BMPER: variants seen among roughly 807,000 people sequenced by gnomAD.
The protein encoded by BMPER is BMP binding endothelial regulator.
A neutral mutation model predicts 87.3 loss-of-function variants in BMPER; 45 were observed. The ratio of observed to expected loss-of-function variants is 0.52; its 90% CI spans 0.41 to 0.66. The LOEUF (loss-of-function observed/expected upper bound fraction) is 0.66, where lower values mean the gene tolerates loss of function less well. Among genes scored for constraint, BMPER ranks in the 30% least tolerant of loss-of-function variants. The pLI is 0.00. For synonymous variants in BMPER, 326 were observed against 316.2 expected (o/e 1.03, Z -0.33); for missense variants, 784 against 867.5 (o/e 0.90, Z 1.21).
At chr7:34,020,912 A>G (rs917264559) in intron 6 of BMPER, among the ~76,000 whole-genome samples, 2 of 151,712 alleles carry the variant, frequency 1.3e-5, no homozygotes, top group South Asian at 2.1e-4. Flanking sequence ...ACACATATGC[A>G]TATGTTATAG....
chr7:34,122,577 A>G (rs1005506712), intron 13 of BMPER, among the ~76,000 whole-genome samples: 4 of 152,218 alleles, frequency 2.6e-5, no homozygotes, highest in Admixed American at 2.0e-4. Flanking sequence ...GTAGAGCAAA[A>G]GCCAGAAGAA....
At chr7:34,073,534 T>C (rs1456235446) in intron 11 of BMPER, among the ~76,000 whole-genome samples, 1 of 152,250 alleles carries the variant, frequency 6.6e-6, no homozygotes. Flanking sequence ...TTATGAGGCA[T>C]GTGTCTACCT....
chr7:34,104,637 T>G (rs1277569477), intron 13 of BMPER, among the ~76,000 whole-genome samples: 1 of 152,160 alleles, frequency 6.6e-6, no homozygotes, highest in Non-Finnish European at 1.5e-5. Context: ...AAGAAAAATG[T>G]GGTTCAATCC....
chr7:34,137,822 G>A (rs1222432923), intron 13 of BMPER, among the ~76,000 whole-genome samples: 1 of 152,200 alleles, frequency 6.6e-6, no homozygotes. Context: ...AGAAAAGTAG[G>A]CTGAAGTCTA....
At chr7:34,044,374 G>GA (rs1483511840) in intron 6 of BMPER, among the ~76,000 whole-genome samples, 1 of 152,206 alleles carries the variant, frequency 6.6e-6, no homozygotes, top group African/African-American at 2.4e-5. Flanking sequence ...GAATATGAAT[G>GA]AAAAGAATGT....
chr7:34,065,755 A>C (rs1384342223), intron 11 of BMPER, among the ~76,000 whole-genome samples: 1 of 152,036 alleles, frequency 6.6e-6, no homozygotes. Context: ...ATAAATTTGT[A>C]CTCCACCTCT....
chr7:33,993,438 G>A (rs914284840), intron 6 of BMPER, among the ~76,000 whole-genome samples: 33 of 151,798 alleles, frequency 2.2e-4, no homozygotes, highest in African/African-American at 7.3e-4. Flanking sequence ...CATTCTTCAC[G>A]TAGTTCTCGA....
chr7:33,957,465 G>A lies in BMPER; in HGVS notation c.320-9014G>A, dbSNP rs185638992. Among the ~76,000 whole-genome samples the A allele has an allele frequency of 2.3e-4, 35 of 151,836 alleles. 1 individual carries two copies. In the East Asian group the frequency reaches 5.0e-3, roughly 22 times the overall value. On this transcript the variant is annotated intron_variant, in intron 3 of 14. Transcript: ENST00000649409. Reference sequence around the variant, plus strand: ...TAGAGACAGAAGCAAGAAGCAAACTGAGTGTTGCTATAAACGAATAGCCTG... The same window carrying A: ...TAGAGACAGAAGCAAGAAGCAAACTAAGTGTTGCTATAAACGAATAGCCTG...
intron 3 of BMPER, among the ~76,000 whole-genome samples, chr7:33,962,157 A>G (rs915023989): frequency 6.6e-6 from 1 of 152,200 alleles, no homozygotes; most frequent in Non-Finnish European, 1.5e-5. Context: ...GTCAGAACTA[A>G]TAGGAAAAAT....
intron 2 of BMPER, among the ~76,000 whole-genome samples, chr7:33,927,366 C>T (rs1052678314): frequency 6.6e-6 from 1 of 152,200 alleles, no homozygotes; most frequent in Non-Finnish European, 1.5e-5. Context: ...ACAAGAGTGA[C>T]AACCTTCCAG....
At chr7:33,982,500 G>GA (rs758951071) in intron 6 of BMPER, among the ~76,000 whole-genome samples, 154 of 134,422 alleles carry the variant, frequency 1.1e-3, no homozygotes, top group Middle Eastern at 4.0e-3. Context: ...ACAGTCAATT[G>GA]AAAAAAAAAA....
At chr7:34,096,224 A>G (rs1030920645) in intron 13 of BMPER, among the ~76,000 whole-genome samples, 1 of 152,224 alleles carries the variant, frequency 6.6e-6, no homozygotes. Context: ...ATCAGGCCAC[A>G]TACAGATTGG....
Position 34,102,662 on chromosome 7 carries a change from T to C in BMPER, c.1745+16570T>C, listed in dbSNP as rs577062768. Among the ~76,000 whole-genome samples the C allele has an allele frequency of 3.3e-5, 5 of 152,314 alleles. No homozygotes were observed. In the South Asian group the frequency reaches 6.2e-4, roughly 19 times the overall value. ...CCCTTTCTCCTTATTCTAGAGTATT[T>C]GTGGCACTCTTATTTAACCACAGCT... On this transcript the variant is annotated intron_variant, in intron 13 of 14. Transcript: ENST00000649409.
intron 3 of BMPER, among the ~76,000 whole-genome samples, chr7:33,961,054 G>A (rs1785259299): frequency 6.6e-6 from 1 of 152,146 alleles, no homozygotes; most frequent in South Asian, 2.1e-4. Context: ...TCCTTGTGGG[G>A]TAATGGAGAA....
At chr7:34,079,256 T>G (rs1193736128) in intron 12 of BMPER, 70 bp downstream of exon 12, 8 of 1,584,118 alleles carry the variant, frequency 5.1e-6, no homozygotes, top group Non-Finnish European at 6.9e-6. Flanking sequence ...CACTGCTCGG[T>G]TAGAGCACTC....
intron 6 of BMPER, among the ~76,000 whole-genome samples, chr7:34,009,732 AC>A (rs1023565486): frequency 4.6e-5 from 7 of 151,934 alleles, no homozygotes; most frequent in African/African-American, 1.7e-4. Flanking sequence ...ACTATTGTCA[AC>A]TAAGGCTAAG....
intron 2 of BMPER, among the ~76,000 whole-genome samples, chr7:33,910,879 A>G (rs1783944315): frequency 6.6e-6 from 1 of 152,160 alleles, no homozygotes; most frequent in African/African-American, 2.4e-5. Flanking sequence ...CATGTTCTTC[A>G]TTGTTCAAAT....
At chr7:33,989,358 G>A (rs1218966681) in intron 6 of BMPER, among the ~76,000 whole-genome samples, 2 of 151,460 alleles carry the variant, frequency 1.3e-5, no homozygotes, top group South Asian at 2.1e-4. Flanking sequence ...GCATTTCTCT[G>A]ATGGCCAGTG....
chr7:34,048,357 T>TAC (rs144810488), intron 7 of BMPER, among the ~76,000 whole-genome samples: 21 of 151,852 alleles, frequency 1.4e-4, no homozygotes, highest in Non-Finnish European at 1.2e-4. Flanking sequence ...TACACACACG[T>TAC]ACACACACAC....
Sources: gnomAD v4.1 joint callset for allele counts (sites outside exome capture counted in the v4.1 genomes callset) on GRCh38, gnomAD v4.1.1 for gene constraint, MANE v1.5 for transcripts, NCBI Gene and HGNC (gene_info 2026-07-23, HGNC 2026-07-21) for gene names.